Variants in SLC41A3 observed in about 807,000 individuals in gnomAD.
SLC41A3 encodes SLC41A1-like 2.
A neutral mutation model predicts 45.4 loss-of-function variants in SLC41A3; 44 were observed. The ratio of observed to expected loss-of-function variants is 0.97; its 90% CI spans 0.76 to 1.25. The LOEUF is 1.25. Among genes scored for constraint, SLC41A3 ranks in the 50% most tolerant of loss-of-function variants. SLC41A3 has a pLI of 0.00. For synonymous variants in SLC41A3, 256 were observed against 252.4 expected (o/e 1.01, Z -0.13); for missense variants, 550 against 600.6 (o/e 0.92, Z 0.88).
chr3:126,051,142 A>C lies in SLC41A3; in HGVS notation c.274-92T>G, dbSNP rs1045631689. The C allele has an allele frequency of 1.4e-5, 19 of 1,368,594 alleles. No individual in the cohort carries two copies. In the African/African-American group the frequency reaches 2.8e-4, roughly 20 times the overall value. The allele number at this position is 1,368,594 out of a possible 1,614,324, so 84.8% of individuals were successfully genotyped here. On this transcript the variant is annotated intron_variant, in intron 2 of 10. Transcript: ENST00000360370. Reference sequence around the variant, plus strand: ...GAGAACCTTCAGCAAGTCACTTTTCACTCCCTATAAAATGAACAAATAGGA... The same window carrying C: ...GAGAACCTTCAGCAAGTCACTTTTCCCTCCCTATAAAATGAACAAATAGGA...
intron 3 of SLC41A3, among the ~76,000 whole-genome samples, chr3:126,043,249 T>G (rs1254514175): frequency 6.6e-6 from 1 of 152,154 alleles, no homozygotes; most frequent in Admixed American, 6.5e-5. Context: ...TTAATATATT[T>G]ACAGTGCTGG....
chr3:126,023,154 G>A, intron 5 of SLC41A3: 1 of 578,654 alleles, frequency 1.7e-6, no homozygotes, highest in South Asian at 2.2e-5. Context: ...AAGGCTGGGA[G>A]AGTTGGACTC....
At chr3:126,044,181 C>G (rs1311817761) in intron 3 of SLC41A3, among the ~76,000 whole-genome samples, 8 of 152,124 alleles carry the variant, frequency 5.3e-5, no homozygotes, top group Admixed American at 2.6e-4. Context: ...GACTTTAAGT[C>G]AAAAACCATT....
chr3:126,022,942 G>A lies in SLC41A3; in HGVS notation c.599-10C>T. 2 of 1,613,932 alleles carry A rather than the reference G, an allele frequency of 1.2e-6. No individual in the cohort carries two copies. Among genetic ancestry groups the A allele is most frequent in the Non-Finnish European group, 1.7e-6 (2 of 1,179,868 alleles). On this transcript the variant is annotated splice_polypyrimidine_tract_variant and intron_variant, in intron 5 of 10. Transcript: ENST00000360370. ...CAGACCATCAGCACCCCTGCAGAGAGAGAGAGGAGAAACAGCAGACTCAAA... is the reference window on the plus strand; with the variant it reads ...CAGACCATCAGCACCCCTGCAGAGAAAGAGAGGAGAAACAGCAGACTCAAA...
intron 2 of SLC41A3, among the ~76,000 whole-genome samples, chr3:126,061,494 G>A (rs1944065852): frequency 6.6e-6 from 1 of 152,130 alleles, no homozygotes; most frequent in African/African-American, 2.4e-5. Flanking sequence ...TATCAACGTT[G>A]ACCCCAGAAC....
intron 6 of SLC41A3, among the ~76,000 whole-genome samples, chr3:126,021,429 C>T (rs539067455): frequency 1.3e-5 from 2 of 152,334 alleles, no homozygotes; most frequent in Admixed American, 6.5e-5. Flanking sequence ...CTTGCCCTTT[C>T]ACTGCACATG....
At chr3:126,083,672 G>C (rs1945280251) in intron 1 of SLC41A3, among the ~76,000 whole-genome samples, 1 of 152,004 alleles carries the variant, frequency 6.6e-6, no homozygotes, top group Non-Finnish European at 1.5e-5. Flanking sequence ...GCCGTGCCCT[G>C]AGCAGGCCAG....
rs773569229 is a variant in SLC41A3, at chr3:126,016,857, G to A, written c.764C>T (p.Pro255Leu). ...YRHKDSRYLT[P>L]LVCLSFAALT... ...AGCCGCAAAGCTGAGGCAGACCAGCGGCGTCAGATACCGACTATCTGAAAG... is the reference window on the plus strand; with the variant it reads ...AGCCGCAAAGCTGAGGCAGACCAGCAGCGTCAGATACCGACTATCTGAAAG... Residue 255 changes from proline (P) to leucine (L), a missense_variant, in exon 7 of 11, where the codon CCG (proline) becomes CTG (leucine). Transcript: ENST00000360370. 1.7e-5 allele frequency: 27 copies of A among 1,612,494 alleles called. No individual in the cohort carries two copies. Among genetic ancestry groups the A allele is most frequent in the Middle Eastern group, 3.3e-4 (2 of 6,082 alleles).
chr3:126,014,047 G>C (rs1233787353), intron 8 of SLC41A3, among the ~76,000 whole-genome samples: 1 of 152,176 alleles, frequency 6.6e-6, no homozygotes, highest in Non-Finnish European at 1.5e-5. Flanking sequence ...CATTCCTTCT[G>C]TGGGGGCAGA....
chr3:126,010,688 T>C (rs1358960706), intron 9 of SLC41A3, among the ~76,000 whole-genome samples: 2 of 152,214 alleles, frequency 1.3e-5, no homozygotes, highest in Admixed American at 1.3e-4. Context: ...AGAACTTTCA[T>C]CTCTACCCAG....
At chr3:126,056,952 G>A in intron 2 of SLC41A3, 6 of 1,065,894 alleles carry the variant, frequency 5.6e-6, no homozygotes, top group Non-Finnish European at 6.8e-6. Flanking sequence ...TACTGGCTTG[G>A]GCTGGACAGA....
chr3:126,090,868 G>A (rs2365018), intron 1 of SLC41A3, among the ~76,000 whole-genome samples: 93,155 of 151,864 alleles, frequency 0.61, 29,089 homozygotes, highest in African/African-American at 0.73. Flanking sequence ...AACCCTCCAA[G>A]TCAATAACAG....
chr3:126,101,050 G>A (rs1945697796), intron 1 of SLC41A3, among the ~76,000 whole-genome samples: 1 of 152,240 alleles, frequency 6.6e-6, no homozygotes. Flanking sequence ...CCTCCATGAT[G>A]TTGGACTCGG....
chr3:126,012,582 G>A (rs776773450), intron 9 of SLC41A3, 33 bp downstream of exon 9: 2 of 1,609,930 alleles, frequency 1.2e-6, no homozygotes, highest in South Asian at 2.2e-5. Context: ...TAAAGAAATG[G>A]CTATCATGGC....
chr3:126,050,788 G>T, intron 3 of SLC41A3, 155 bp downstream of exon 3: 1 of 1,291,914 alleles, frequency 7.7e-7, no homozygotes, highest in South Asian at 2.1e-5. Flanking sequence ...TGGGCTGGGA[G>T]AGGGACAAGG....
At chr3:126,056,338 C>G in intron 2 of SLC41A3, 1 of 1,611,328 alleles carries the variant, frequency 6.2e-7, no homozygotes, top group Non-Finnish European at 8.5e-7. Flanking sequence ...CCCCTGATCC[C>G]CCAAACACCC....
At chr3:126,058,386 T>C (rs1043360938) in intron 2 of SLC41A3, among the ~76,000 whole-genome samples, 8 of 152,208 alleles carry the variant, frequency 5.3e-5, no homozygotes, top group Non-Finnish European at 7.3e-5. Context: ...ACCCAGGCTC[T>C]GGTAGGGATG....
chr3:126,085,830 G>C (rs1945375016), upstream of SLC41A3, among the ~76,000 whole-genome samples: 1 of 151,904 alleles, frequency 6.6e-6, no homozygotes, highest in Non-Finnish European at 1.5e-5. Flanking sequence ...TCTGGGGGGG[G>C]GTTGACATCC....
At chr3:126,063,666 T>C (rs564752983) in intron 2 of SLC41A3, among the ~76,000 whole-genome samples, 35 of 152,240 alleles carry the variant, frequency 2.3e-4, no homozygotes, top group African/African-American at 8.2e-4. Flanking sequence ...TGCCTACACA[T>C]ATACTACAGC....
Sources: allele counts gnomAD v4.1 joint callset (sites outside exome capture counted in the v4.1 genomes callset), GRCh38; gene constraint gnomAD v4.1.1; transcripts MANE v1.5; gene names NCBI Gene and HGNC (gene_info 2026-07-23, HGNC 2026-07-21).